Variants in MED27 observed in about 807,000 individuals in gnomAD.
MED27 encodes mediator of RNA polymerase II transcription subunit 27.
A neutral mutation model predicts 38.2 loss-of-function variants in MED27; 30 were observed. The observed-to-expected ratio is 0.79, with a 90% CI of 0.59 to 1.07. The LOEUF (loss-of-function observed/expected upper bound fraction) is 1.07. Among genes scored for constraint, MED27 ranks in the 50% least tolerant of loss-of-function variants. The pLI is 0.00. For synonymous variants in MED27, 122 were observed against 153.5 expected, an observed-to-expected ratio of 0.79 and a Z score of 1.52; for missense variants, 289 against 397.5, an observed-to-expected ratio of 0.73 and a Z score of 2.32.
At position 131,942,371 on chromosome 9, in the gene MED27, T is replaced by A. The variant is rs549938708; in HGVS notation, c.480-2897A>T. Among the ~76,000 whole-genome samples, 3 of 152,344 alleles carry A rather than the reference T, an allele frequency of 2.0e-5. No homozygotes were observed. In the East Asian group the frequency reaches 5.8e-4, roughly 29 times the overall value. On this transcript the variant is annotated intron_variant, in intron 3 of 7. Coordinates refer to ENST00000292035, the MANE Select transcript of MED27 (RefSeq NM_004269.4). Reference sequence around the variant, plus strand: ...TGACAAAAACATCATGCCCAAAGTTTATACCAGGTCACTGGAAACATTTCT... The same window carrying A: ...TGACAAAAACATCATGCCCAAAGTTAATACCAGGTCACTGGAAACATTTCT...
chr9:132,014,189 C>T (rs2131076493), intron 3 of MED27, 148 bp downstream of exon 3: 2 of 855,526 alleles, frequency 2.3e-6, no homozygotes, highest in Admixed American at 5.8e-5. Flanking sequence ...TGCATTCCAG[C>T]CAGGGTGAAA....
rs868443492 is a variant in MED27 at position 131,889,284 on chromosome 9, T to C, written c.681+4601A>G. Among the ~76,000 whole-genome samples the C allele has an allele frequency of 2.6e-5, 4 of 152,258 alleles. No homozygotes were observed. Among genetic ancestry groups the C allele is most frequent in the African/African-American group, 9.6e-5 (4 of 41,464 alleles). On this transcript the variant is annotated intron_variant, in intron 5 of 7. Transcript: ENST00000292035. This position sits in a 1 kb window ranked among gnomAD's most constrained non-coding sequence, Gnocchi z 4.2. ...TACCACCATTTCTTTTCCTCTCTTA[T>C]GCTCGGAGGCTAAAAGCTGCCTTTT...
At chr9:132,021,035 T>C (rs780380825) in intron 2 of MED27, among the ~76,000 whole-genome samples, 31 of 152,240 alleles carry the variant, frequency 2.0e-4, no homozygotes, top group Non-Finnish European at 4.1e-4. Flanking sequence ...AAATCAGGGC[T>C]GCGCTTCCTG....
intron 6 of MED27, among the ~76,000 whole-genome samples, chr9:131,879,893 T>C (rs1299129152): frequency 6.6e-6 from 1 of 152,168 alleles, no homozygotes; most frequent in East Asian, 1.9e-4. Flanking sequence ...GAATAGCAAA[T>C]CCTAAAAAGC....
chr9:131,863,823 CTG>C (rs1838692065), intron 6 of MED27, among the ~76,000 whole-genome samples: 2 of 152,158 alleles, frequency 1.3e-5, no homozygotes, highest in Admixed American at 1.3e-4. Flanking sequence ...CCTTAGGGGT[CTG>C]TGCCTATTGT....
intron 4 of MED27, among the ~76,000 whole-genome samples, chr9:131,924,155 G>C (rs964583957): frequency 4.6e-5 from 7 of 152,200 alleles, no homozygotes; most frequent in African/African-American, 1.7e-4. Flanking sequence ...CATTGCCAAA[G>C]TCCCTTCAAA....
chr9:132,029,003 C>T (rs1452186504), intron 2 of MED27, among the ~76,000 whole-genome samples: 4 of 152,172 alleles, frequency 2.6e-5, no homozygotes, highest in African/African-American at 7.2e-5. Context: ...AGAGATGCCA[C>T]GGAGAGAAGC....
intron 4 of MED27, among the ~76,000 whole-genome samples, chr9:131,922,291 A>G (rs1246514469): frequency 6.6e-6 from 1 of 152,130 alleles, no homozygotes; most frequent in African/African-American, 2.4e-5. Context: ...ATAGCTTTCA[A>G]TTTTTTACCA....
At chr9:132,059,495 C>T (rs1833653510) in intron 2 of MED27, among the ~76,000 whole-genome samples, 2 of 152,260 alleles carry the variant, frequency 1.3e-5, no homozygotes, top group African/African-American at 4.8e-5. Flanking sequence ...CAAGGCTGCG[C>T]CTCACAGCCA....
intron 2 of MED27, among the ~76,000 whole-genome samples, chr9:132,053,617 G>A (rs1242506784): frequency 6.6e-6 from 1 of 152,172 alleles, no homozygotes; most frequent in Non-Finnish European, 1.5e-5. Flanking sequence ...CAACATGCCT[G>A]GAGTCACACC....
intron 2 of MED27, among the ~76,000 whole-genome samples, chr9:132,039,275 T>C (rs1589282202): frequency 6.6e-6 from 1 of 152,206 alleles, no homozygotes; most frequent in Admixed American, 6.5e-5. Flanking sequence ...GGCACTCTGC[T>C]GAGAGGCGGG....
chr9:131,990,723 G>A (rs905505748), intron 3 of MED27, among the ~76,000 whole-genome samples: 1 of 152,290 alleles, frequency 6.6e-6, no homozygotes, highest in Middle Eastern at 3.4e-3. Context: ...TCCCAGGAAC[G>A]TGGGTTCTGA....
At chr9:131,891,505 T>C (rs898201010) in intron 5 of MED27, among the ~76,000 whole-genome samples, 1 of 152,234 alleles carries the variant, frequency 6.6e-6, no homozygotes, top group African/African-American at 2.4e-5. Context: ...GCATACTCTC[T>C]ACTCCCTGTA....
At chr9:131,969,478 T>C (rs1831427818) in intron 3 of MED27, among the ~76,000 whole-genome samples, 1 of 150,508 alleles carries the variant, frequency 6.6e-6, no homozygotes, top group Admixed American at 6.6e-5. Flanking sequence ...AGAAAAAGAT[T>C]TTTCTTTTAC....
intron 6 of MED27, among the ~76,000 whole-genome samples, chr9:131,866,873 C>A (rs1030165923): frequency 6.6e-5 from 10 of 152,330 alleles, no homozygotes; most frequent in Admixed American, 3.9e-4. Flanking sequence ...CCTGCAGCAC[C>A]CGGTGTCTGC....
chr9:132,071,210 A>G (rs1833926181), intron 2 of MED27, among the ~76,000 whole-genome samples: 1 of 152,210 alleles, frequency 6.6e-6, no homozygotes, highest in African/African-American at 2.4e-5. Flanking sequence ...GGTTAGCCTC[A>G]CAGCTGTCAG....
intron 3 of MED27, among the ~76,000 whole-genome samples, chr9:131,991,788 C>T (rs1831981590): frequency 6.6e-6 from 1 of 152,196 alleles, no homozygotes; most frequent in Non-Finnish European, 1.5e-5. Context: ...GTGGCGCAAT[C>T]TCCGCTCACT....
Position 131,860,396 on chromosome 9 carries a change from T to A in MED27, c.*142A>T. 1 of 982,510 alleles carries A rather than the reference T, an allele frequency of 1.0e-6. No homozygotes were observed. The allele number at this position is 982,510 out of a possible 1,614,324, so 60.9% of individuals were successfully genotyped here. A position where few individuals can be genotyped will look rare whatever the true frequency, so the allele number is the denominator to read the frequency against. ...GGGAGTCTGCTCTTCAAGAGTGGCCTCTGCACACATGGCGCTGCTTTATGA... is the reference window on the plus strand; with the variant it reads ...GGGAGTCTGCTCTTCAAGAGTGGCCACTGCACACATGGCGCTGCTTTATGA... On this transcript the variant is annotated 3_prime_UTR_variant, in exon 8 of 8. Coordinates refer to ENST00000292035, the MANE Select transcript of MED27 (RefSeq NM_004269.4). This position sits in a 1 kb window ranked among gnomAD's most constrained non-coding sequence, Gnocchi z 5.8.
intron 4 of MED27, among the ~76,000 whole-genome samples, chr9:131,900,839 T>G (rs1322396518): frequency 6.6e-6 from 1 of 151,768 alleles, no homozygotes; most frequent in Non-Finnish European, 1.5e-5. Context: ...GTATACAAAA[T>G]AAAAGTCTGA....
Sources: gnomAD v4.1 joint callset for allele counts (sites outside exome capture counted in the v4.1 genomes callset) on GRCh38, gnomAD v4.1.1 for gene constraint, Gnocchi (gnomAD v3.1) non-coding constraint, MANE v1.5 for transcripts, NCBI Gene and HGNC (gene_info 2026-07-23, HGNC 2026-07-21) for gene names.